The following KIZ variants were observed in gnomAD, a reference collection of about 807,000 sequenced individuals.
KIZ encodes centrosomal protein kizuna.
A neutral mutation model predicts 79.6 loss-of-function variants in KIZ; 68 were observed. The observed-to-expected ratio is 0.85, with a 90% CI of 0.70 to 1.05. KIZ has a LOEUF of 1.05. KIZ is among the 50% of genes least tolerant of loss of function. KIZ has a pLI of 0.00. For missense variants in KIZ, 797 were observed against 800.4 expected (o/e 1.00, Z 0.05); for synonymous variants, 280 against 281.8 (o/e 0.99, Z 0.06).
chr20:21,187,267 C>G (rs910439899), intron 6 of KIZ, among the ~76,000 whole-genome samples: 6 of 152,174 alleles, frequency 3.9e-5, no homozygotes, highest in African/African-American at 1.4e-4. Context: ...GTCTACCATG[C>G]TCAGGGAGCA....
chr20:21,217,841 A>T (rs1300520091), intron 9 of KIZ, among the ~76,000 whole-genome samples: 1 of 152,198 alleles, frequency 6.6e-6, no homozygotes, highest in Non-Finnish European at 1.5e-5. Context: ...CAGCATTTCC[A>T]AACCAGCTAT....
chr20:21,225,631 A>G (rs75896713), intron 9 of KIZ, among the ~76,000 whole-genome samples: 2,707 of 152,268 alleles, frequency 0.018, 81 homozygotes, highest in African/African-American at 0.062. Context: ...TTGTTCATTC[A>G]TTTAATAACT....
intron 6 of KIZ, among the ~76,000 whole-genome samples, chr20:21,174,886 G>GT (rs1386511485): frequency 6.6e-6 from 1 of 152,198 alleles, no homozygotes; most frequent in Non-Finnish European, 1.5e-5. Context: ...GGAATAATAG[G>GT]TTTGAACTAT....
At chr20:21,232,240 G>A (rs1056044629) in intron 10 of KIZ, among the ~76,000 whole-genome samples, 1 of 152,138 alleles carries the variant, frequency 6.6e-6, no homozygotes, top group African/African-American at 2.4e-5. Flanking sequence ...TTTAGAGGCT[G>A]GTAAAGAGTG....
chr20:21,184,659 A>G (rs2034798312), intron 6 of KIZ, among the ~76,000 whole-genome samples: 1 of 152,198 alleles, frequency 6.6e-6, no homozygotes, highest in Non-Finnish European at 1.5e-5. Flanking sequence ...TGAGTGGGAA[A>G]GCTTCCCTTC....
intron 9 of KIZ, among the ~76,000 whole-genome samples, chr20:21,225,754 A>G (rs2036634449): frequency 6.6e-6 from 1 of 152,164 alleles, no homozygotes; most frequent in Non-Finnish European, 1.5e-5. Context: ...CATGTCCATA[A>G]CTTTACACTC....
rs181991852 is a variant in KIZ at position 21,126,981 on chromosome 20, C to G, written c.89+777C>G. On this transcript the variant is annotated intron_variant, in intron 1 of 12. Transcript: ENST00000619189. ...AGAAAGGAAATACATTTTTGGATCT[C>G]TTGATAAACAAAACATTTAATGAGT... 5.3e-5 allele frequency among the ~76,000 whole-genome samples: 8 copies of G among 152,256 alleles called. No individual in the cohort carries two copies. The East Asian group carries it at 1.4e-3, about 26-fold the overall frequency.
At chr20:21,192,371 A>G (rs2123039514) in intron 6 of KIZ, among the ~76,000 whole-genome samples, 1 of 144,568 alleles carries the variant, frequency 6.9e-6, no homozygotes, top group East Asian at 2.0e-4. Flanking sequence ...GCTAGACTCC[A>G]ACTCCTGGGC....
At chr20:21,204,858 A>G (rs2035750573) in intron 6 of KIZ, among the ~76,000 whole-genome samples, 1 of 152,216 alleles carries the variant, frequency 6.6e-6, no homozygotes, top group Admixed American at 6.5e-5. Flanking sequence ...AACAACAACA[A>G]CAAAACATCT....
At chr20:21,242,711 T>C (rs778376862) in intron 11 of KIZ, among the ~76,000 whole-genome samples, 1 of 152,070 alleles carries the variant, frequency 6.6e-6, no homozygotes, top group Non-Finnish European at 1.5e-5. Flanking sequence ...CACTGTGTCC[T>C]TTCTCCTGTG....
chr20:21,196,089 A>G (rs1325721566), intron 6 of KIZ: 1 of 152,234 alleles, frequency 6.6e-6, no homozygotes, highest in Non-Finnish European at 1.5e-5. Context: ...CCTCTGAAAA[A>G]CACTGCTTTC....
chr20:21,242,164 G>A (rs375120319), intron 11 of KIZ, among the ~76,000 whole-genome samples: 5 of 152,320 alleles, frequency 3.3e-5, no homozygotes, highest in Admixed American at 1.3e-4. Flanking sequence ...GGACTGGCAC[G>A]TCAGTTGGCT....
chr20:21,136,227 C>G (rs187025968), intron 2 of KIZ, among the ~76,000 whole-genome samples, 163 bp from the exon 3 acceptor site: 2 of 151,958 alleles, frequency 1.3e-5, no homozygotes, highest in African/African-American at 2.4e-5. Flanking sequence ...TTAACTTTCT[C>G]TCTCCAAAAA....
At chr20:21,229,456 G>A (rs949422638) in intron 10 of KIZ, among the ~76,000 whole-genome samples, 4 of 152,224 alleles carry the variant, frequency 2.6e-5, no homozygotes, top group Non-Finnish European at 5.9e-5. Flanking sequence ...TCATTCAGTG[G>A]GCAGTGTTGT....
chr20:21,171,185 A>G lies in KIZ; in HGVS notation c.1352+8026A>G, dbSNP rs146982285. On this transcript the variant is annotated intron_variant, in intron 6 of 12. Transcript: ENST00000619189. ...ATTTGCAGTTCTCTAATGACATATG[A>G]TGTTGAACATCTTTTCATATGCTTA... 7.2e-5 allele frequency among the ~76,000 whole-genome samples: 11 copies of G among 152,314 alleles called. No individual in the cohort carries two copies. In the East Asian group the frequency reaches 1.9e-3, roughly 27 times the overall value.
intron 9 of KIZ, among the ~76,000 whole-genome samples, chr20:21,221,911 A>G (rs1226487205): frequency 2.0e-5 from 1 of 51,266 alleles, no homozygotes; most frequent in Admixed American, 2.6e-4. Context: ...AATGTGCTTC[A>G]CCTGTCCTAT....
At chr20:21,142,699 G>A (rs1040798263) in intron 3 of KIZ, among the ~76,000 whole-genome samples, 4 of 152,026 alleles carry the variant, frequency 2.6e-5, no homozygotes, top group Admixed American at 2.6e-4. Context: ...GGCTGAGGTA[G>A]GAGGATAGAT....
intron 6 of KIZ, among the ~76,000 whole-genome samples, chr20:21,169,932 C>G (rs1035637094): frequency 2.6e-5 from 4 of 152,088 alleles, no homozygotes; most frequent in African/African-American, 4.8e-5. Context: ...GAATAATACT[C>G]CATTGTCTGG....
chr20:21,151,864 A>G (rs1488370912), intron 4 of KIZ: 2 of 152,238 alleles, frequency 1.3e-5, no homozygotes, highest in Non-Finnish European at 2.9e-5. Flanking sequence ...CGGCAAAAAT[A>G]TAGTCTGCGT....
Sources: allele counts gnomAD v4.1 joint callset (sites outside exome capture counted in the v4.1 genomes callset), GRCh38; gene constraint gnomAD v4.1.1; transcripts MANE v1.5; gene names NCBI Gene and HGNC (gene_info 2026-07-23, HGNC 2026-07-21).